NUFIP2: variants seen among roughly 807,000 people sequenced by gnomAD.
NUFIP2 encodes FMR1-interacting protein NUFIP2.
Under a neutral mutation model 56.9 loss-of-function variants are expected in NUFIP2, and 6 were observed. The observed-to-expected ratio is 0.11, with a 90% CI of 0.06 to 0.21. NUFIP2 has a LOEUF of 0.21. Ranked by LOEUF, NUFIP2 falls within the 10% of genes least tolerant of loss-of-function variation. The probability of loss-of-function intolerance (pLI) is 1.00; values close to 1 mark genes in which losing one functional copy is unlikely to be tolerated. For synonymous variants in NUFIP2, 321 were observed against 298.2 expected, an observed-to-expected ratio of 1.08 and a Z score of -0.79; for missense variants, 828 against 826.8, an observed-to-expected ratio of 1.00 and a Z score of -0.02.
At chr17:29,282,366 C>G (rs867869405) in intron 2 of NUFIP2, among the ~76,000 whole-genome samples, 3 of 151,558 alleles carry the variant, frequency 2.0e-5, no homozygotes, top group African/African-American at 7.3e-5. Flanking sequence ...CTGACCAACA[C>G]GGTAAAACCC....
chr17:29,263,634 C>T lies in NUFIP2; in HGVS notation c.*905G>A, dbSNP rs1321593664. The T allele has an allele frequency of 6.6e-6, 1 of 152,588 alleles. No individual in the cohort carries two copies. The highest frequency in any genetic ancestry group is 2.4e-5 in the African/African-American group (1 of 41,418). 9.5% of individuals were successfully genotyped at this position (152,588 alleles called of 1,614,324 possible). On this transcript the variant is annotated 3_prime_UTR_variant, in exon 4 of 4. Transcript: ENST00000225388. ...ACGGAGAGCAAGTCTGGAGCACCTA[C>T]AGTTGAAAAGCAGAATATATTTTTG...
intron 2 of NUFIP2, among the ~76,000 whole-genome samples, 193 bp from the exon 3 acceptor site, chr17:29,267,723 G>GGT (rs1251143084): frequency 6.6e-6 from 1 of 152,038 alleles, no homozygotes; most frequent in African/African-American, 2.4e-5. Flanking sequence ...TAAGAGACAG[G>GGT]GTCTTGCTCT....
chr17:29,282,025 G>A (rs915559888), intron 2 of NUFIP2, among the ~76,000 whole-genome samples: 54 of 151,856 alleles, frequency 3.6e-4, no homozygotes, highest in African/African-American at 1.3e-3. Flanking sequence ...GCCTCCCAAA[G>A]TGCTGGGATT....
chr17:29,282,588 T>A (rs983321436), intron 2 of NUFIP2, among the ~76,000 whole-genome samples: 1 of 151,442 alleles, frequency 6.6e-6, no homozygotes, highest in Non-Finnish European at 1.5e-5. Context: ...TAAAAACACC[T>A]TTCTTTATAT....
At chr17:29,274,138 T>C (rs1260287931) in intron 2 of NUFIP2, among the ~76,000 whole-genome samples, 1 of 152,224 alleles carries the variant, frequency 6.6e-6, no homozygotes, top group African/African-American at 2.4e-5. Context: ...TAACAAGGTG[T>C]GTTTGAGCAG....
chr17:29,276,576 G>A (rs900333448), intron 2 of NUFIP2, among the ~76,000 whole-genome samples: 1 of 152,166 alleles, frequency 6.6e-6, no homozygotes, highest in Admixed American at 6.5e-5. Context: ...GACCTCAAGT[G>A]ATCTGCCAGC....
At position 29,261,093 on chromosome 17, in the gene NUFIP2, G is replaced by A. The variant is rs1016738214; in HGVS notation, c.*3446C>T. 2.6e-5 allele frequency: 4 copies of A among 152,088 alleles called. No homozygotes were observed. The highest frequency in any genetic ancestry group is 5.9e-5 in the Non-Finnish European group (4 of 67,994). The allele number at this position is 152,088 out of a possible 1,614,324, so 9.4% of individuals were successfully genotyped here. ...ACACCCTGTGTATTTTGTGGGAAAA[G>A]GGGATTATTGAGGACACCTACAAGA... On this transcript the variant is annotated 3_prime_UTR_variant, in exon 4 of 4. Coordinates refer to ENST00000225388, the MANE Select transcript of NUFIP2 (RefSeq NM_020772.3).
intron 2 of NUFIP2, among the ~76,000 whole-genome samples, chr17:29,271,514 G>A (rs1157768056): frequency 1.3e-5 from 2 of 151,556 alleles, no homozygotes; most frequent in East Asian, 3.9e-4. Flanking sequence ...CCCAGCCTGG[G>A]CGAAAGAGCA....
rs1244585562 is a variant in NUFIP2 at position 29,257,306 on chromosome 17, T to G, written c.*7233A>C. 1 of 152,178 alleles carries G rather than the reference T, an allele frequency of 6.6e-6. No individual in the cohort carries two copies. Among genetic ancestry groups the G allele is most frequent in the Non-Finnish European group, 1.5e-5 (1 of 68,024 alleles). 9.4% of individuals were successfully genotyped at this position (152,178 alleles called of 1,614,324 possible). A position where few individuals can be genotyped will look rare whatever the true frequency, so the allele number is the denominator to read the frequency against. On this transcript the variant is annotated 3_prime_UTR_variant, in exon 4 of 4. Transcript: ENST00000225388. ...ACAACAGCAAAGTAGTAAGGACAAA[T>G]CGGTCACTTTTGGTAATGACACACA...
chr17:29,284,411 G>C (rs1263382729), intron 2 of NUFIP2, among the ~76,000 whole-genome samples: 1 of 152,130 alleles, frequency 6.6e-6, no homozygotes, highest in Non-Finnish European at 1.5e-5. Context: ...TTCTAAGAAA[G>C]TGATTAACAT....
intron 2 of NUFIP2, among the ~76,000 whole-genome samples, chr17:29,272,130 G>C (rs2069078079): frequency 6.9e-6 from 1 of 144,112 alleles, no homozygotes; most frequent in Admixed American, 7.0e-5. Flanking sequence ...AGAAAAGAAA[G>C]AAACAAATGA....
Position 29,294,133 on chromosome 17 carries a change from C to A in NUFIP2, c.-74G>T, listed in dbSNP as rs1035210320. On this transcript the variant is annotated 5_prime_UTR_variant, in exon 1 of 4. Coordinates refer to ENST00000225388, the MANE Select transcript of NUFIP2 (RefSeq NM_020772.3). ...CAGGATCTGAGACTGCTTCTCAGGGCTCACTCAGTATATCTGAGCGCGTCT... is the reference window on the plus strand; with the variant it reads ...CAGGATCTGAGACTGCTTCTCAGGGATCACTCAGTATATCTGAGCGCGTCT... 5.3e-6 allele frequency: 8 copies of A among 1,522,338 alleles called. No individual in the cohort carries two copies. In the Admixed American group the frequency reaches 8.0e-5, roughly 15 times the overall value. The allele number at this position is 1,522,338 out of a possible 1,614,324, so 94.3% of individuals were successfully genotyped here.
chr17:29,285,136 C>T (rs1347266740), intron 2 of NUFIP2, among the ~76,000 whole-genome samples: 1 of 151,852 alleles, frequency 6.6e-6, no homozygotes, highest in African/African-American at 2.4e-5. Flanking sequence ...CCCGTGTCTA[C>T]TGAAAATACA....
rs576390264 is a variant in NUFIP2, at chr17:29,257,222, T to C, written c.*7317A>G. The C allele has an allele frequency of 6.6e-6, 1 of 152,326 alleles. No individual in the cohort carries two copies. The highest frequency in any genetic ancestry group is 1.5e-5 in the Non-Finnish European group (1 of 68,016). 9.4% of individuals were successfully genotyped at this position (152,326 alleles called of 1,614,324 possible). ...CAGTTTTCCTCTCTCCTAGTTCCACTGATGAGCTAGCCCAGAACTATGTAA... is the reference window on the plus strand; with the variant it reads ...CAGTTTTCCTCTCTCCTAGTTCCACCGATGAGCTAGCCCAGAACTATGTAA... On this transcript the variant is annotated 3_prime_UTR_variant, in exon 4 of 4. Coordinates refer to ENST00000225388, the MANE Select transcript of NUFIP2 (RefSeq NM_020772.3).
At chr17:29,285,942 T>C (rs747556334) in intron 2 of NUFIP2, 50 bp downstream of exon 2, 2 of 1,344,256 alleles carry the variant, frequency 1.5e-6, no homozygotes, top group Non-Finnish European at 2.1e-6. Context: ...ATATAAACAA[T>C]ATACTAAATT....
Position 29,287,513 on chromosome 17 carries a change from C to T in NUFIP2, c.481G>A (p.Asp161Asn), listed in dbSNP as rs765613269. The T allele has an allele frequency of 6.2e-7, 1 of 1,613,926 alleles. No homozygotes were observed. The highest frequency in any genetic ancestry group is 1.1e-5 in the South Asian group (1 of 91,080). Residue 161 changes from aspartate to asparagine, a missense_variant, in exon 2 of 4, where the codon GAC becomes AAC. By Grantham distance (23) the Asp-to-Asn change is conservative. Transcript: ENST00000225388. Reference protein sequence around the residue: ...TKNFIQKNSMDKKNGKSYENK... With the variant: ...TKNFIQKNSMNKKNGKSYENK... ...TCATAAGACTTCCCATTCTTTTTGT[C>T]CATACTGTTTTTCTGAATGAAATTC... is the stretch of plus-strand genomic sequence containing the variant.
rs1381035242 is a variant in NUFIP2, at chr17:29,286,648, C to G, written c.1346G>C (p.Gly449Ala). The G allele has an allele frequency of 6.8e-6, 11 of 1,613,936 alleles. No homozygotes were observed. Among genetic ancestry groups the G allele is most frequent in the Non-Finnish European group, 9.3e-6 (11 of 1,179,996 alleles). Residue 449 changes from glycine to alanine, a missense_variant, in exon 2 of 4, where the codon GGG (glycine) becomes GCG (alanine). Coordinates refer to ENST00000225388, the MANE Select transcript of NUFIP2 (RefSeq NM_020772.3). ...CATGTCCTGGAGAACTGAATCTGTC[C>G]CAGAAGAGATGGGTGTTAGAGTATT... is the stretch of plus-strand genomic sequence containing the variant. The part of the protein sequence containing the change: ...AANTLTPISS[G>A]TDSVLQDMSL...
chr17:29,288,132 C>G (rs931059537), intron 1 of NUFIP2, among the ~76,000 whole-genome samples: 1 of 152,264 alleles, frequency 6.6e-6, no homozygotes, highest in African/African-American at 2.4e-5. Flanking sequence ...TAAGCTCCAC[C>G]TCCCGGGCTC....
intron 1 of NUFIP2, among the ~76,000 whole-genome samples, chr17:29,293,346 GT>G (rs1362080860): frequency 1.3e-5 from 2 of 151,940 alleles, no homozygotes. Context: ...CTGCAAAAGG[GT>G]CTCGCGACAC....
Sources: allele counts gnomAD v4.1 joint callset (sites outside exome capture counted in the v4.1 genomes callset), GRCh38; gene constraint gnomAD v4.1.1; transcripts MANE v1.5; gene names NCBI Gene and HGNC (gene_info 2026-07-23, HGNC 2026-07-21).